THSD7B: variants seen among roughly 807,000 people sequenced by gnomAD.
The protein encoded by THSD7B is thrombospondin type 1 domain containing 7B, also known as thrombospondin type-1 domain-containing protein 7B.
THSD7B carries 138 observed loss-of-function variants against 213.6 expected under a neutral mutation model. That is an observed-to-expected ratio of 0.65 (90% CI 0.56 to 0.74). THSD7B has a LOEUF of 0.74. THSD7B is among the 30% of genes least tolerant of loss of function. The pLI, the probability that THSD7B is intolerant of heterozygous loss-of-function variation, is 0.00. For missense variants in THSD7B, 1,931 were observed against 1,991.5 expected, an observed-to-expected ratio of 0.97 and a Z score of 0.58; for synonymous variants, 742 against 687.0, an observed-to-expected ratio of 1.08 and a Z score of -1.25.
chr2:137,589,760 A>G (rs1048942617), intron 17 of THSD7B, among the ~76,000 whole-genome samples: 8 of 152,130 alleles, frequency 5.3e-5, no homozygotes, highest in African/African-American at 1.7e-4. Context: ...ACTTTTTCCT[A>G]TCAGAACTTA....
At chr2:137,347,787 A>T (rs572040007) in intron 12 of THSD7B, among the ~76,000 whole-genome samples, 1 of 151,496 alleles carries the variant, frequency 6.6e-6, no homozygotes, top group Non-Finnish European at 1.5e-5. Context: ...ATATAAACTT[A>T]TACAGTGACT....
At chr2:137,030,889 A>G (rs1686652783) in intron 2 of THSD7B, among the ~76,000 whole-genome samples, 5 of 152,192 alleles carry the variant, frequency 3.3e-5, no homozygotes. Context: ...TATCCATGTA[A>G]TAAAAAATCA....
At chr2:137,079,405 G>T (rs1167338636) in intron 3 of THSD7B, among the ~76,000 whole-genome samples, 1 of 151,912 alleles carries the variant, frequency 6.6e-6, no homozygotes, top group African/African-American at 2.4e-5. Flanking sequence ...CTGTTATATG[G>T]TGCATAGATA....
chr2:137,097,808 A>ACACACACACC (rs573904266), intron 4 of THSD7B, among the ~76,000 whole-genome samples: 1 of 148,740 alleles, frequency 6.7e-6, no homozygotes, highest in Non-Finnish European at 1.5e-5. Flanking sequence ...ACACACACAC[A>ACACACACACC]CCTTTAAAAC....
At chr2:137,149,368 G>A (rs1679769219) in intron 5 of THSD7B, among the ~76,000 whole-genome samples, 1 of 1,142 alleles carries the variant, frequency 8.8e-4, no homozygotes, top group Admixed American at 0.015. Flanking sequence ...TTCCCACACA[G>A]AGTCCCCACC....
intron 15 of THSD7B, among the ~76,000 whole-genome samples, chr2:137,551,184 T>A (rs1486507829): frequency 2.0e-5 from 3 of 152,092 alleles, no homozygotes; most frequent in African/African-American, 7.2e-5. Flanking sequence ...TATGCATATA[T>A]AAGCAGCAGT....
Position 136,804,941 on chromosome 2 carries a change from G to A in THSD7B, c.-36+39254G>A, listed in dbSNP as rs1396456674. ...GTCCCTACAGTCATTCAGTGGAAAT[G>A]ATCTTGGAGTTGGGCAACACAGGTC... On this transcript the variant is annotated intron_variant, in intron 1 of 27. Transcript: ENST00000409968. Among the ~76,000 whole-genome samples, 3 of 152,246 alleles carry A rather than the reference G, an allele frequency of 2.0e-5. No homozygotes were observed. The East Asian group carries it at 5.8e-4, about 29-fold the overall frequency.
At chr2:137,306,459 T>C (rs1340633461) in intron 12 of THSD7B, among the ~76,000 whole-genome samples, 1 of 152,124 alleles carries the variant, frequency 6.6e-6, no homozygotes, top group Non-Finnish European at 1.5e-5. Flanking sequence ...CTTTAAAGAT[T>C]CTTTTTACCC....
At chr2:136,998,261 CAAAAA>C (rs33931359) in intron 2 of THSD7B, among the ~76,000 whole-genome samples, 126 of 98,408 alleles carry the variant, frequency 1.3e-3, no homozygotes, top group African/African-American at 3.8e-3. Flanking sequence ...ACTAAAAGGC[CAAAAA>C]AAAAAAAAAA....
chr2:136,988,304 T>C (rs957509123), intron 2 of THSD7B, among the ~76,000 whole-genome samples: 18 of 152,192 alleles, frequency 1.2e-4, no homozygotes. Flanking sequence ...GATGCTAATA[T>C]GAGATCAGGT....
At chr2:137,371,097 A>G (rs1388745259) in intron 12 of THSD7B, among the ~76,000 whole-genome samples, 1 of 152,126 alleles carries the variant, frequency 6.6e-6, no homozygotes, top group African/African-American at 2.4e-5. Context: ...TATTTCTGTA[A>G]AACTGTTGTG....
intron 15 of THSD7B, among the ~76,000 whole-genome samples, chr2:137,495,474 C>T (rs1679539835): frequency 1.3e-5 from 2 of 152,136 alleles, no homozygotes; most frequent in African/African-American, 4.8e-5. Context: ...GGGGTTTACA[C>T]CCTCAGTCTT....
intron 2 of THSD7B, among the ~76,000 whole-genome samples, chr2:136,898,040 C>T (rs909548659): frequency 6.6e-5 from 10 of 152,122 alleles, no homozygotes; most frequent in African/African-American, 1.9e-4. Flanking sequence ...CTGATTGGTG[C>T]GTTTACAATC....
chr2:137,433,856 AC>A (rs1386922745), intron 14 of THSD7B, among the ~76,000 whole-genome samples: 25 of 152,076 alleles, frequency 1.6e-4, no homozygotes, highest in African/African-American at 5.8e-4. Flanking sequence ...AAGTTTTGTA[AC>A]CCCCAATCTG....
At chr2:136,865,011 T>C (rs1649570) in intron 1 of THSD7B, among the ~76,000 whole-genome samples, 90,508 of 152,114 alleles carry the variant, frequency 0.6, 27,424 homozygotes, top group Middle Eastern at 0.81. Flanking sequence ...TGATATGAAT[T>C]CTTTTGTGCA....
intron 1 of THSD7B, among the ~76,000 whole-genome samples, chr2:136,839,271 A>G (rs1371485694): frequency 6.6e-6 from 1 of 152,156 alleles, no homozygotes; most frequent in African/African-American, 2.4e-5. Flanking sequence ...GGCTGGGAAT[A>G]TACTCCTTCT....
At chr2:137,373,146 C>T (rs1328801644) in intron 12 of THSD7B, among the ~76,000 whole-genome samples, 2 of 151,908 alleles carry the variant, frequency 1.3e-5, no homozygotes, top group Admixed American at 6.6e-5. Flanking sequence ...TGAATAGTGC[C>T]GCAATAAACA....
intron 20 of THSD7B, among the ~76,000 whole-genome samples, chr2:137,625,487 T>A (rs1264351552): frequency 2.1e-5 from 3 of 141,170 alleles, no homozygotes; most frequent in African/African-American, 5.5e-5. Flanking sequence ...AAAAAAAAAA[T>A]AGAAAAATAG....
chr2:137,038,181 G>A (rs575256433), intron 2 of THSD7B, among the ~76,000 whole-genome samples: 1 of 152,278 alleles, frequency 6.6e-6, no homozygotes, highest in East Asian at 1.9e-4. Flanking sequence ...GTTGTTGTAT[G>A]TTCCTTTTAC....
Sources: gnomAD v4.1 joint callset for allele counts (sites outside exome capture counted in the v4.1 genomes callset) on GRCh38, gnomAD v4.1.1 for gene constraint, MANE v1.5 for transcripts, NCBI Gene and HGNC (gene_info 2026-07-23, HGNC 2026-07-21) for gene names.